Variants in EPHA5 observed in about 807,000 individuals in gnomAD.
EPHA5 encodes EPH receptor A5, also known as ephrin type-A receptor 5.
In EPHA5, 60 loss-of-function variants were observed where a neutral mutation model predicts 105.0. That is an observed-to-expected ratio of 0.57 (90% confidence interval 0.46 to 0.71). The LOEUF is 0.71. Among genes scored for constraint, EPHA5 ranks in the 30% least tolerant of loss-of-function variants. EPHA5 has a pLI of 0.00. For synonymous variants in EPHA5, 513 were observed against 449.1 expected (o/e 1.14, Z -1.80); for missense variants, 1,218 against 1,274.7 (o/e 0.96, Z 0.68).
chr4:65,334,559 G>C (rs188256031), intron 15 of EPHA5, among the ~76,000 whole-genome samples: 12 of 151,862 alleles, frequency 7.9e-5, no homozygotes, highest in Admixed American at 2.0e-4. Context: ...CATAGGTAGG[G>C]ATGGAGAAAG....
At position 65,476,133 on chromosome 4, in the gene EPHA5, T is replaced by A. The variant is rs967459455; in HGVS notation, c.1402+14244A>T. On this transcript the variant is annotated intron_variant, in intron 5 of 16. Coordinates refer to ENST00000613740, the MANE Select transcript of EPHA5 (RefSeq NM_001281766.3). Reference sequence around the variant, plus strand: ...GAGAGAGAGAGAGAGAGAGAGTGTGTGTGTGTGTGTGTGTGTGTGTGTGTG... The same window carrying A: ...GAGAGAGAGAGAGAGAGAGAGTGTGAGTGTGTGTGTGTGTGTGTGTGTGTG... 5.2e-3 allele frequency among the ~76,000 whole-genome samples: 686 copies of A among 132,948 alleles called. 3 individuals carry two copies. Among genetic ancestry groups the A allele is most frequent in the African/African-American group, 0.02 (656 of 33,420 alleles). 87.2% of individuals were successfully genotyped at this position (132,948 alleles called of 152,430 possible). A position where few individuals can be genotyped will look rare whatever the true frequency, so the allele number is the denominator to read the frequency against.
intron 5 of EPHA5, among the ~76,000 whole-genome samples, chr4:65,458,456 A>G (rs1425819959): frequency 1.3e-5 from 2 of 152,074 alleles, no homozygotes; most frequent in Non-Finnish European, 2.9e-5. Context: ...GCTCTTTTCC[A>G]TCTTAGCATG....
At chr4:65,345,584 AG>A (rs1292181628) in intron 14 of EPHA5, among the ~76,000 whole-genome samples, 1 of 152,212 alleles carries the variant, frequency 6.6e-6, no homozygotes, top group Non-Finnish European at 1.5e-5. Flanking sequence ...AGAGAGCGAG[AG>A]GAACTATGGA....
intron 3 of EPHA5, among the ~76,000 whole-genome samples, chr4:65,500,467 T>C (rs1469844704): frequency 1.3e-5 from 2 of 151,262 alleles, no homozygotes; most frequent in Non-Finnish European, 1.5e-5. Context: ...CTTTAAACCT[T>C]TGAGCCATAT....
intron 3 of EPHA5, among the ~76,000 whole-genome samples, chr4:65,545,091 C>G (rs963225522): frequency 6.6e-6 from 1 of 151,706 alleles, no homozygotes; most frequent in Non-Finnish European, 1.5e-5. Context: ...GGCTATTGTT[C>G]TTGTTAATAT....
intron 5 of EPHA5, among the ~76,000 whole-genome samples, chr4:65,461,966 G>C (rs1047392858): frequency 6.6e-6 from 1 of 152,012 alleles, no homozygotes; most frequent in Non-Finnish European, 1.5e-5. Context: ...TAACCAAGCA[G>C]AACATGCCGT....
At chr4:65,506,766 A>C (rs997944083) in intron 3 of EPHA5, among the ~76,000 whole-genome samples, 1 of 151,464 alleles carries the variant, frequency 6.6e-6, no homozygotes, top group African/African-American at 2.4e-5. Flanking sequence ...TCGATTCTGG[A>C]TATTAGCCCT....
intron 5 of EPHA5, among the ~76,000 whole-genome samples, chr4:65,442,992 C>G (rs1726164618): frequency 6.6e-6 from 1 of 151,942 alleles, no homozygotes; most frequent in African/African-American, 2.4e-5. Flanking sequence ...AGTTAGAAAC[C>G]CTTTAAAGTC....
chr4:65,521,959 A>G (rs1734771645), intron 3 of EPHA5, among the ~76,000 whole-genome samples: 1 of 152,004 alleles, frequency 6.6e-6, no homozygotes, highest in South Asian at 2.1e-4. Context: ...TTGATTCTGA[A>G]AATCATTATG....
intron 4 of EPHA5, among the ~76,000 whole-genome samples, chr4:65,494,682 T>C (rs1436410955): frequency 6.6e-6 from 1 of 152,202 alleles, no homozygotes; most frequent in Non-Finnish European, 1.5e-5. Flanking sequence ...TCTACTCTAC[T>C]TATGATCAGC....
At chr4:65,519,244 A>C (rs1416441676) in intron 3 of EPHA5, among the ~76,000 whole-genome samples, 1 of 152,184 alleles carries the variant, frequency 6.6e-6, no homozygotes, top group African/African-American at 2.4e-5. Flanking sequence ...AATAACTGTA[A>C]ACCAGCATAT....
chr4:65,331,399 C>T, intron 16 of EPHA5: 1 of 1,044,384 alleles, frequency 9.6e-7, no homozygotes, highest in Non-Finnish European at 1.2e-6. Flanking sequence ...GAAAAGGGCA[C>T]AATTGGTTCC....
chr4:65,642,770 C>T (rs1372472093), intron 2 of EPHA5, among the ~76,000 whole-genome samples: 1 of 151,682 alleles, frequency 6.6e-6, no homozygotes, highest in Non-Finnish European at 1.5e-5. Context: ...TAAAATTAAC[C>T]TTTGATATCA....
At chr4:65,458,343 A>G (rs1727809887) in intron 5 of EPHA5, among the ~76,000 whole-genome samples, 1 of 152,152 alleles carries the variant, frequency 6.6e-6, no homozygotes, top group South Asian at 2.1e-4. Context: ...TTCCAAACAT[A>G]TCATCCCTTA....
chr4:65,494,464 C>A (rs920753639), intron 4 of EPHA5, among the ~76,000 whole-genome samples: 3 of 152,104 alleles, frequency 2.0e-5, no homozygotes, highest in African/African-American at 7.2e-5. Flanking sequence ...GGATTCACTT[C>A]CCTTCTCTTT....
chr4:65,547,518 G>A (rs959194031), intron 3 of EPHA5, among the ~76,000 whole-genome samples: 1 of 151,804 alleles, frequency 6.6e-6, no homozygotes, highest in African/African-American at 2.4e-5. Context: ...TATATTAAAG[G>A]TGATGTTCCG....
chr4:65,377,184 A>C, intron 8 of EPHA5: 1 of 800,014 alleles, frequency 1.2e-6, no homozygotes, highest in Non-Finnish European at 1.8e-6. Context: ...AAACCTCTAA[A>C]TGCATACAAT....
intron 8 of EPHA5, among the ~76,000 whole-genome samples, chr4:65,384,228 T>C (rs747447301): frequency 6.6e-6 from 1 of 151,928 alleles, no homozygotes; most frequent in Non-Finnish European, 1.5e-5. Context: ...AAAATTTATC[T>C]TCACCCTCAA....
intron 3 of EPHA5, among the ~76,000 whole-genome samples, chr4:65,542,761 A>T (rs1174968131): frequency 2.1e-5 from 1 of 47,240 alleles, no homozygotes; most frequent in Non-Finnish European, 4.5e-5. Flanking sequence ...TGGCAGAGAC[A>T]CAACAAAGAA....
Sources: gnomAD v4.1 joint callset for allele counts (sites outside exome capture counted in the v4.1 genomes callset) on GRCh38, gnomAD v4.1.1 for gene constraint, MANE v1.5 for transcripts, NCBI Gene and HGNC (gene_info 2026-07-23, HGNC 2026-07-21) for gene names.